The following UTRN variants were observed in gnomAD, a reference collection of about 807,000 sequenced individuals.
UTRN encodes the protein utrophin.
A neutral mutation model predicts 463.9 loss-of-function variants in UTRN; 283 were observed. The observed-to-expected ratio is 0.61, with a 90% confidence interval of 0.55 to 0.67. The LOEUF is 0.67. Among genes scored for constraint, UTRN ranks in the 30% least tolerant of loss-of-function variants. The pLI is 0.00. For synonymous variants in UTRN, 1,442 were observed against 1,431.5 expected (o/e 1.01, Z -0.17); for missense variants, 3,922 against 4,084.3 (o/e 0.96, Z 1.08).
At chr6:144,781,459 A>T (rs1272564521) in intron 60 of UTRN, among the ~76,000 whole-genome samples, 2 of 152,186 alleles carry the variant, frequency 1.3e-5, no homozygotes, top group Non-Finnish European at 2.9e-5. Flanking sequence ...ATGATAAAAG[A>T]CTGTTTAAGA....
chr6:144,509,039 T>C (rs1307911394), intron 34 of UTRN, among the ~76,000 whole-genome samples: 1 of 152,234 alleles, frequency 6.6e-6, no homozygotes, highest in Non-Finnish European at 1.5e-5. Context: ...ATATCTTATA[T>C]GAACTTTAGA....
At chr6:144,736,814 G>T (rs937658075) in intron 54 of UTRN, among the ~76,000 whole-genome samples, 1 of 152,134 alleles carries the variant, frequency 6.6e-6, no homozygotes, top group East Asian at 1.9e-4. Flanking sequence ...GAGGTTTGCT[G>T]GGAGCCAGGC....
Position 144,592,995 on chromosome 6 carries a change from T to A in UTRN, c.7479+15707T>A, listed in dbSNP as rs556553710. On this transcript the variant is annotated intron_variant, in intron 51 of 74. Transcript: ENST00000367545. The stretch of plus-strand genomic sequence containing the variant: ...TACAGTATAATAAAACTAGAAGTTG[T>A]TTGAACACAGAAGAAGGGGCAGTAA... Among the ~76,000 whole-genome samples, 5 of 152,288 alleles carry A rather than the reference T, an allele frequency of 3.3e-5. No homozygotes were observed. The South Asian group carries it at 1.0e-3, about 32-fold the overall frequency.
Position 144,481,497 on chromosome 6 carries a change from A to C in UTRN, c.3508-712A>C, listed in dbSNP as rs541910770. Among the ~76,000 whole-genome samples, 220 of 152,340 alleles carry C rather than the reference A, an allele frequency of 1.4e-3. 1 individual carries two copies. Among genetic ancestry groups the C allele is most frequent in the Non-Finnish European group, 2.7e-3 (181 of 68,034 alleles). On this transcript the variant is annotated intron_variant, in intron 26 of 74. Transcript: ENST00000367545. ...TTTAAAAAGCTTAAATTATTTAGAG[A>C]ACTTTTAAAGATACTTCTACCATAG...
intron 2 of UTRN, among the ~76,000 whole-genome samples, chr6:144,296,166 G>A (rs760952702): frequency 1.2e-4 from 19 of 152,176 alleles, no homozygotes; most frequent in Admixed American, 3.3e-4. Flanking sequence ...GTACCAGTCC[G>A]TTGCCTGTTA....
intron 62 of UTRN, among the ~76,000 whole-genome samples, chr6:144,792,158 C>T (rs1267516238): frequency 6.6e-6 from 1 of 152,122 alleles, no homozygotes; most frequent in Non-Finnish European, 1.5e-5. Context: ...TAAAGCCATA[C>T]TTCATTATAA....
rs779661423 is a variant in UTRN at position 144,840,776 on chromosome 6, G to A, written c.10214G>A (p.Ser3405Asn). 1.6e-5 allele frequency: 26 copies of A among 1,613,908 alleles called. No individual in the cohort carries two copies. In the Admixed American group the frequency reaches 4.3e-4, roughly 27 times the overall value. Residue 3405 changes from serine (S) to asparagine (N), a missense_variant, in exon 73 of 75, where the codon AGC becomes AAC. Physicochemically the swap from Ser to Asn is conservative, Grantham distance 46. Transcript: ENST00000367545. ...EDLLAPPHDT[S>N]TDLTEVMEQI... ...CTGCTGGCCCCACCGCACGACACCAGCACGGATCTCACGGAGGTCATGGAG... is the reference window on the plus strand; with the variant it reads ...CTGCTGGCCCCACCGCACGACACCAACACGGATCTCACGGAGGTCATGGAG...
In UTRN at chr6:144,557,141, T is replaced by C; in HGVS notation, c.7135-16T>C. The C allele has an allele frequency of 6.2e-7, 1 of 1,611,598 alleles. No homozygotes were observed. Among genetic ancestry groups the C allele is most frequent in the Non-Finnish European group, 8.5e-7 (1 of 1,178,754 alleles). ...AGTGACCAAGTCTAACAAACAGACC[T>C]GCACTTGCACCTCAGATACTGCTTC... On this transcript the variant is annotated splice_polypyrimidine_tract_variant and intron_variant, in intron 49 of 74. Transcript: ENST00000367545.
chr6:144,460,627 C>T (rs1215590172), intron 21 of UTRN, among the ~76,000 whole-genome samples: 1 of 152,208 alleles, frequency 6.6e-6, no homozygotes. Flanking sequence ...GGTTTCACCT[C>T]TTTGTGCTTC....
chr6:144,553,402 AT>A (rs1799096931), intron 48 of UTRN, among the ~76,000 whole-genome samples: 1 of 152,184 alleles, frequency 6.6e-6, no homozygotes. Context: ...AAAGTGTTCC[AT>A]GATAACTCAG....
At chr6:144,604,036 G>A (rs1226897525) in intron 51 of UTRN, among the ~76,000 whole-genome samples, 5 of 152,070 alleles carry the variant, frequency 3.3e-5, no homozygotes, top group African/African-American at 9.7e-5. Flanking sequence ...CTGCTTCCTT[G>A]TAATTCCAGA....
intron 2 of UTRN, among the ~76,000 whole-genome samples, chr6:144,307,212 T>A (rs1396109075): frequency 6.6e-6 from 1 of 152,176 alleles, no homozygotes; most frequent in African/African-American, 2.4e-5. Context: ...TTTGTAATAT[T>A]TTTTAGTAGA....
At chr6:144,662,850 T>C (rs1000022812) in intron 51 of UTRN, among the ~76,000 whole-genome samples, 2 of 152,170 alleles carry the variant, frequency 1.3e-5, no homozygotes, top group Non-Finnish European at 2.9e-5. Context: ...TTGAAAGGGA[T>C]ATTTTAGTTG....
At chr6:144,413,015 T>C (rs1295018008) in intron 3 of UTRN, among the ~76,000 whole-genome samples, 2 of 152,130 alleles carry the variant, frequency 1.3e-5, no homozygotes, top group South Asian at 4.1e-4. Flanking sequence ...TGATAATGGG[T>C]TTAGGTAAGT....
rs187576942 is a variant in UTRN at position 144,609,971 on chromosome 6, A to G, written c.7479+32683A>G. On this transcript the variant is annotated intron_variant, in intron 51 of 74. Coordinates refer to ENST00000367545, the MANE Select transcript of UTRN (RefSeq NM_007124.3). ...TTTATAGCAATAAATGCCTATATCAAGAAAGAAGAAATATCATGAATAAAC... is the reference window on the plus strand; with the variant it reads ...TTTATAGCAATAAATGCCTATATCAGGAAAGAAGAAATATCATGAATAAAC... Among the ~76,000 whole-genome samples, 8 of 152,266 alleles carry G rather than the reference A, an allele frequency of 5.3e-5. No homozygotes were observed. The East Asian group carries it at 1.5e-3, about 29-fold the overall frequency.
intron 34 of UTRN, among the ~76,000 whole-genome samples, chr6:144,507,869 C>G (rs1562501146): frequency 6.6e-6 from 1 of 152,208 alleles, no homozygotes; most frequent in Admixed American, 6.5e-5. Flanking sequence ...CTCACAGCTG[C>G]CCTTTCCCCC....
intron 3 of UTRN, among the ~76,000 whole-genome samples, chr6:144,421,382 T>C (rs990220578): frequency 1.3e-5 from 2 of 152,172 alleles, no homozygotes; most frequent in African/African-American, 4.8e-5. Flanking sequence ...TATTTGTACT[T>C]GTTCTTTCTA....
In UTRN at chr6:144,542,966, C is replaced by T. The variant is rs112845497; in HGVS notation, c.6595+96C>T. The stretch of plus-strand genomic sequence containing the variant: ...TACATGAATTAGAAAGACTTAGAAA[C>T]GTCGTGCCATTTTCTTTATTTAATC... On this transcript the variant is annotated intron_variant, in intron 46 of 74. Coordinates refer to ENST00000367545, the MANE Select transcript of UTRN (RefSeq NM_007124.3). 4.2e-3 allele frequency: 4,250 copies of T among 1,004,670 alleles called. 123 individuals carry two copies. The African/African-American group carries it at 0.062, about 15-fold the overall frequency. 62.2% of individuals were successfully genotyped at this position (1,004,670 alleles called of 1,614,324 possible). A position where few individuals can be genotyped will look rare whatever the true frequency, so the allele number is the denominator to read the frequency against.
chr6:144,719,334 T>A (rs118177193), intron 53 of UTRN, among the ~76,000 whole-genome samples: 3,482 of 152,228 alleles, frequency 0.023, 60 homozygotes, highest in East Asian at 0.05. Context: ...ATCATAGCAC[T>A]TTGGGAGGCC....
Sources: allele counts gnomAD v4.1 joint callset (sites outside exome capture counted in the v4.1 genomes callset), GRCh38; gene constraint gnomAD v4.1.1; transcripts MANE v1.5; gene names NCBI Gene and HGNC (gene_info 2026-07-23, HGNC 2026-07-21).